Variants in SEMA4F observed in about 807,000 individuals in gnomAD.
The protein encoded by SEMA4F is ssemaphorin 4F.
SEMA4F carries 51 observed loss-of-function variants against 78.4 expected under a neutral mutation model. The ratio of observed to expected loss-of-function variants is 0.65; its 90% CI spans 0.52 to 0.82. The LOEUF (loss-of-function observed/expected upper bound fraction) is 0.82, where lower values mean the gene tolerates loss of function less well. Among genes scored for constraint, SEMA4F ranks in the 40% least tolerant of loss-of-function variants. The pLI, the probability that SEMA4F is intolerant of heterozygous loss-of-function variation, is 0.00. For missense variants in SEMA4F, 938 were observed against 1,014.4 expected (o/e 0.92, Z 1.02); for synonymous variants, 418 against 408.7 (o/e 1.02, Z -0.27).
rs1685205811 is a variant in SEMA4F at position 74,675,243 on chromosome 2, C to T, written c.1231C>T (p.His411Tyr). Residue 411 changes from histidine to tyrosine, a missense_variant, in exon 10 of 14, where the codon CAC becomes TAC. Coordinates refer to ENST00000357877, the MANE Select transcript of SEMA4F (RefSeq NM_004263.5). ...PDRVLTFIRD[H>Y]PLMDRPVFPA... ...CCGCGTACTCACCTTCATCCGGGACCACCCACTCATGGACAGGCCAGTGTT... is the reference window on the plus strand; with the variant it reads ...CCGCGTACTCACCTTCATCCGGGACTACCCACTCATGGACAGGCCAGTGTT... The T allele has an allele frequency of 6.2e-7, 1 of 1,614,202 alleles. No individual in the cohort carries two copies. Among genetic ancestry groups the T allele is most frequent in the South Asian group, 1.1e-5 (1 of 91,086 alleles).
Position 74,674,879 on chromosome 2 carries a change from G to A in SEMA4F, c.1002-9G>A. On this transcript the variant is annotated splice_polypyrimidine_tract_variant and intron_variant, in intron 8 of 13. Transcript: ENST00000357877. ...CTCCATATATCCAGCTCCAACCTGTGAATTCCAGGGAGGGGGCTACTATCT... is the reference window on the plus strand; with the variant it reads ...CTCCATATATCCAGCTCCAACCTGTAAATTCCAGGGAGGGGGCTACTATCT... 6.2e-7 allele frequency: 1 copy of A among 1,613,744 alleles called. No homozygotes were observed. Among genetic ancestry groups the A allele is most frequent in the Non-Finnish European group, 8.5e-7 (1 of 1,179,876 alleles).
At chr2:74,676,874 ATC>A (rs1685317869) in intron 12 of SEMA4F, among the ~76,000 whole-genome samples, 1 of 152,176 alleles carries the variant, frequency 6.6e-6, no homozygotes, top group Admixed American at 6.5e-5. Context: ...TTCAATATGT[ATC>A]TCTACTAGAT....
At chr2:74,706,239 G>A in the SEMA4F span, among the ~76,000 whole-genome samples, 13 of 152,300 alleles carry the variant, frequency 8.5e-5, no homozygotes, top group Non-Finnish European at 1.6e-4. Context: ...GAGGCTCATA[G>A]AAGATTAGAA....
At chr2:74,694,816 C>G in the SEMA4F span, among the ~76,000 whole-genome samples, 23 of 152,338 alleles carry the variant, frequency 1.5e-4, 1 homozygote, top group African/African-American at 5.5e-4. Context: ...CAAGCTGAAG[C>G]TTAGTCTTGC....
chr2:74,661,765 T>C (rs1684436458), intron 4 of SEMA4F, among the ~76,000 whole-genome samples: 1 of 152,154 alleles, frequency 6.6e-6, no homozygotes, highest in African/African-American at 2.4e-5. Flanking sequence ...GGGCCAGTAG[T>C]ACACTTATTT....
chr2:74,668,860 C>T (rs1573244936), intron 5 of SEMA4F, among the ~76,000 whole-genome samples: 1 of 149,710 alleles, frequency 6.7e-6, no homozygotes, highest in South Asian at 2.1e-4. Context: ...GAACTCCTGA[C>T]CTCAGGTTAT....
intron 5 of SEMA4F, among the ~76,000 whole-genome samples, chr2:74,664,570 A>G (rs1009029744): frequency 9.2e-5 from 14 of 152,160 alleles, no homozygotes. Context: ...AGGGTATACC[A>G]ATTTACACCC....
chr2:74,657,720 C>A, intron 3 of SEMA4F, 96 bp downstream of exon 3: 2 of 1,408,886 alleles, frequency 1.4e-6, no homozygotes, highest in Non-Finnish European at 2.0e-6. Context: ...CCAATGGGCC[C>A]AGGCAGAGAC....
intron 1 of SEMA4F, chr2:74,655,333 C>T (rs540591577): frequency 1.5e-5 from 6 of 390,306 alleles, no homozygotes; most frequent in African/African-American, 4.2e-5. Context: ...AGCTAGGAGA[C>T]GTCACAAGGT....
chr2:74,691,531 C>T, the SEMA4F span, among the ~76,000 whole-genome samples: 1 of 152,202 alleles, frequency 6.6e-6, no homozygotes, highest in South Asian at 2.1e-4. Flanking sequence ...TTTGCTCCCT[C>T]TTTTGGAGGT....
At chr2:74,666,053 G>A (rs556743748) in intron 5 of SEMA4F, among the ~76,000 whole-genome samples, 4 of 152,046 alleles carry the variant, frequency 2.6e-5, no homozygotes, top group South Asian at 2.1e-4. Flanking sequence ...GATTACAGGC[G>A]CCCACCACCA....
intron 7 of SEMA4F, 62 bp downstream of exon 7, chr2:74,673,890 T>A: frequency 6.5e-7 from 1 of 1,541,810 alleles, no homozygotes; most frequent in South Asian, 1.2e-5. Flanking sequence ...CCGTCTTATC[T>A]TTTCCTCTTT....
intron 1 of SEMA4F, among the ~76,000 whole-genome samples, chr2:74,654,763 A>C (rs1476838163): frequency 6.6e-6 from 1 of 151,890 alleles, no homozygotes; most frequent in Admixed American, 6.5e-5. Context: ...CTCCCACGAC[A>C]CGCCCAGGCT....
chr2:74,675,251 C>G lies in SEMA4F; in HGVS notation c.1239C>G (p.Leu413=), dbSNP rs1160412979. The G allele has an allele frequency of 6.2e-6, 10 of 1,614,218 alleles. No homozygotes were observed. Among genetic ancestry groups the G allele is most frequent in the Middle Eastern group, 3.3e-4 (2 of 6,062 alleles). ...RVLTFIRDHP[L]MDRPVFPADG... ...TCACCTTCATCCGGGACCACCCACT[C>G]ATGGACAGGCCAGTGTTTCCAGCTG... The change falls in exon 10 of 14, where the codon CTC becomes CTG. Residue 413 remains leucine, a synonymous_variant. Coordinates refer to ENST00000357877, the MANE Select transcript of SEMA4F (RefSeq NM_004263.5).
the SEMA4F span, among the ~76,000 whole-genome samples, chr2:74,708,374 C>A: frequency 2.0e-5 from 3 of 152,132 alleles, no homozygotes; most frequent in African/African-American, 7.2e-5. Flanking sequence ...TGAGGCACCC[C>A]AACCCTTCCT....
rs375110759 is a variant in SEMA4F, at chr2:74,655,898, T to C, written c.146-636T>C. On this transcript the variant is annotated intron_variant, in intron 1 of 13. Transcript: ENST00000357877. ...AGGAAGCAGGTAGAGCAGAGCTGTA[T>C]TGGTGCAAGGGTAGGGTCCCCAGAA... Among the ~76,000 whole-genome samples, 26 of 152,274 alleles carry C rather than the reference T, an allele frequency of 1.7e-4. 1 individual carries two copies. In the East Asian group the frequency reaches 3.5e-3, roughly 20 times the overall value.
At chr2:74,668,358 A>G (rs1375755286) in intron 5 of SEMA4F, among the ~76,000 whole-genome samples, 5 of 152,240 alleles carry the variant, frequency 3.3e-5, no homozygotes, top group Non-Finnish European at 7.3e-5. Flanking sequence ...GCATTCACAC[A>G]TGAAAACAAG....
intron 5 of SEMA4F, among the ~76,000 whole-genome samples, chr2:74,663,644 AAGAG>A (rs1558722213): frequency 6.6e-6 from 1 of 152,086 alleles, no homozygotes; most frequent in Non-Finnish European, 1.5e-5. Context: ...GAGAGGGGGC[AAGAG>A]AGAGAGGGAG....
rs1476440406 is a variant in SEMA4F, at chr2:74,658,810, G to A, written c.456+859G>A. On this transcript the variant is annotated intron_variant, in intron 4 of 13. Transcript: ENST00000357877. The surrounding 1 kb of genome is among the most constrained non-coding windows in gnomAD (Gnocchi z 4.3). Reference sequence around the variant, plus strand: ...ATCCAGTGGCTTCTCTTTCTGCTCTGTAGAGCAATAGGAGGGAGTATAACT... The same window carrying A: ...ATCCAGTGGCTTCTCTTTCTGCTCTATAGAGCAATAGGAGGGAGTATAACT... Among the ~76,000 whole-genome samples the A allele has an allele frequency of 6.6e-6, 1 of 152,210 alleles. No homozygotes were observed. The highest frequency in any genetic ancestry group is 1.5e-5 in the Non-Finnish European group (1 of 68,030).
Sources: gnomAD v4.1 joint callset for allele counts (sites outside exome capture counted in the v4.1 genomes callset) on GRCh38, gnomAD v4.1.1 for gene constraint, Gnocchi (gnomAD v3.1) non-coding constraint, MANE v1.5 for transcripts, NCBI Gene and HGNC (gene_info 2026-07-23, HGNC 2026-07-21) for gene names.